The following RABGAP1 variants were observed in gnomAD, a reference collection of about 807,000 sequenced individuals.
RABGAP1 encodes the protein rab GTPase-activating protein 1.
In RABGAP1, 23 loss-of-function variants were observed where a neutral mutation model predicts 137.6. The ratio of observed to expected loss-of-function variants is 0.17; its 90% CI spans 0.12 to 0.24. The LOEUF (loss-of-function observed/expected upper bound fraction) is 0.24, where lower values mean the gene tolerates loss of function less well. Ranked by LOEUF, RABGAP1 falls within the 10% of genes least tolerant of loss-of-function variation. The pLI is 1.00. For missense variants in RABGAP1, 906 were observed against 1,275.8 expected (o/e 0.71, Z 4.42); for synonymous variants, 451 against 450.7 (o/e 1.00, Z -0.01).
chr9:123,010,258 C>G, intron 10 of RABGAP1, 96 bp from the exon 11 acceptor site: 8 of 1,110,260 alleles, frequency 7.2e-6, no homozygotes, highest in Non-Finnish European at 1.0e-5. Flanking sequence ...TGCAGTGAGC[C>G]GAGATCACTG....
intron 13 of RABGAP1, among the ~76,000 whole-genome samples, chr9:123,031,787 A>G (rs1341262097): frequency 6.6e-6 from 1 of 152,204 alleles, no homozygotes; most frequent in African/African-American, 2.4e-5. Flanking sequence ...GCTGTGGTTG[A>G]AATCTCTACA....
chr9:122,998,128 C>T (rs1485852276), intron 9 of RABGAP1, among the ~76,000 whole-genome samples: 1 of 151,904 alleles, frequency 6.6e-6, no homozygotes, highest in East Asian at 1.9e-4. Context: ...GAGACAGAGT[C>T]TTACTCTGTC....
At chr9:123,034,909 G>A (rs34751912) in intron 13 of RABGAP1, 27 of 1,613,016 alleles carry the variant, frequency 1.7e-5, no homozygotes, top group Middle Eastern at 1.7e-4. Flanking sequence ...TCTGAAGAGC[G>A]TCTCCATGGC....
chr9:122,971,387 A>G (rs1835464435), intron 2 of RABGAP1, among the ~76,000 whole-genome samples: 1 of 152,218 alleles, frequency 6.6e-6, no homozygotes, highest in Non-Finnish European at 1.5e-5. Context: ...CTCAGGCTAC[A>G]TGGTATTTCC....
chr9:122,966,671 A>ACTG (rs1368528125), intron 2 of RABGAP1, among the ~76,000 whole-genome samples: 1 of 152,202 alleles, frequency 6.6e-6, no homozygotes, highest in African/African-American at 2.4e-5. Context: ...AGCAGAAAAA[A>ACTG]CTGAGAAGAA....
upstream of RABGAP1, among the ~76,000 whole-genome samples, chr9:122,935,979 C>G (rs117048974): frequency 0.016 from 2,396 of 152,016 alleles, 34 homozygotes; most frequent in South Asian, 0.066. Context: ...TCTTTCGAGC[C>G]TCTGAGGATT....
intron 13 of RABGAP1, among the ~76,000 whole-genome samples, chr9:123,044,139 G>A (rs1044223635): frequency 2.6e-5 from 4 of 151,930 alleles, no homozygotes; most frequent in Non-Finnish European, 5.9e-5. Context: ...TTCTGACCTC[G>A]TGATCCGCCC....
chr9:122,938,337 T>C (rs867009234), upstream of RABGAP1: 1 of 152,202 alleles, frequency 6.6e-6, no homozygotes, highest in Non-Finnish European at 1.5e-5. Context: ...TGAACTTCAG[T>C]TTCCTTATTT....
chr9:122,996,313 A>G (rs1292136930), intron 7 of RABGAP1, 162 bp downstream of exon 7: 4 of 1,292,650 alleles, frequency 3.1e-6, no homozygotes, highest in East Asian at 2.6e-5. Flanking sequence ...TGAAATAGCT[A>G]CTATAAATAA....
At chr9:123,064,627 T>C (rs138752905) in intron 13 of RABGAP1, among the ~76,000 whole-genome samples, 290 of 152,362 alleles carry the variant, frequency 1.9e-3, no homozygotes, top group African/African-American at 6.2e-3. Context: ...GTTCCAGTTC[T>C]TTACTGTGTC....
At chr9:123,011,444 T>C (rs1334465379) in intron 11 of RABGAP1, among the ~76,000 whole-genome samples, 1 of 152,132 alleles carries the variant, frequency 6.6e-6, no homozygotes, top group African/African-American at 2.4e-5. Flanking sequence ...AACGTATCCA[T>C]GTACTTTCTT....
intron 1 of RABGAP1, among the ~76,000 whole-genome samples, chr9:122,956,013 T>A (rs754175912): frequency 6.6e-6 from 1 of 152,124 alleles, no homozygotes; most frequent in Non-Finnish European, 1.5e-5. Flanking sequence ...AAAATGATGG[T>A]GAGTTTAAGT....
chr9:123,043,903 T>TC (rs1343291320), intron 13 of RABGAP1, among the ~76,000 whole-genome samples: 1 of 147,824 alleles, frequency 6.8e-6, no homozygotes, highest in Non-Finnish European at 1.5e-5. Flanking sequence ...TTATTTTCTT[T>TC]TTTTTTTTTT....
rs997289290 is a variant in RABGAP1, at chr9:123,070,005, T to C, written c.1909-345T>C. Among the ~76,000 whole-genome samples the C allele has an allele frequency of 1.3e-5, 2 of 152,172 alleles. No individual in the cohort carries two copies. The highest frequency in any genetic ancestry group is 4.8e-5 in the African/African-American group (2 of 41,446). ...GGGGAATTGAAATAAGTTTGGTGCC[T>C]GAAGGAAGAGTGCATGTTTGAGGCA... On this transcript the variant is annotated intron_variant, in intron 14 of 25. Transcript: ENST00000373647. This position sits in a 1 kb window ranked among gnomAD's most constrained non-coding sequence, Gnocchi z 4.4.
intron 13 of RABGAP1, among the ~76,000 whole-genome samples, chr9:123,053,170 G>A (rs1438764106): frequency 6.6e-6 from 1 of 152,040 alleles, no homozygotes; most frequent in African/African-American, 2.4e-5. Flanking sequence ...ACTTTTCTTG[G>A]CTCTATCAAA....
Position 123,037,969 on chromosome 9 carries a change from G to A in RABGAP1, c.1794+17510G>A, listed in dbSNP as rs2032753385. On this transcript the variant is annotated intron_variant, in intron 13 of 25. Coordinates refer to ENST00000373647, the MANE Select transcript of RABGAP1 (RefSeq NM_012197.4). ...GGGATAGCTCATTTAACTTTATATG[G>A]CATGTGACTGGTATCAGAGGAAACA... Among the ~76,000 whole-genome samples the A allele has an allele frequency of 2.0e-5, 3 of 152,200 alleles. 1 individual carries two copies. The South Asian group carries it at 6.2e-4, about 32-fold the overall frequency.
Position 122,957,106 on chromosome 9 carries a change from C to A in RABGAP1, c.47C>A (p.Ser16Ter). 1 of 1,553,260 alleles carries A rather than the reference C, an allele frequency of 6.4e-7. No homozygotes were observed. Among genetic ancestry groups the A allele is most frequent in the Non-Finnish European group, 8.8e-7 (1 of 1,138,072 alleles). The change falls in exon 2 of 26, where the codon TCA (serine) becomes TAA (stop). Residue 16 changes from serine (S) to a stop codon, truncating the protein, a stop_gained. Coordinates refer to ENST00000373647, the MANE Select transcript of RABGAP1 (RefSeq NM_012197.4). LOFTEE classifies it high-confidence loss of function. Reference protein sequence around the residue: ...SVGKISVSSDSVSTLNSEDFV... With the variant: ...SVGKISVSSD The stretch of plus-strand genomic sequence containing the variant: ...GGAAAAATCAGTGTCTCTTCAGACT[C>A]AGTATCTACTCTTAATAGTGAAGAT...
chr9:123,066,068 A>T (rs1313304617), intron 14 of RABGAP1, among the ~76,000 whole-genome samples: 1 of 152,220 alleles, frequency 6.6e-6, no homozygotes, highest in Non-Finnish European at 1.5e-5. Context: ...ATTAGTCTTC[A>T]GTCTTTTCCT....
chr9:123,072,700 A>G (rs1195142349), intron 15 of RABGAP1, among the ~76,000 whole-genome samples: 1 of 152,210 alleles, frequency 6.6e-6, no homozygotes, highest in Non-Finnish European at 1.5e-5. Flanking sequence ...ACTTACCAGT[A>G]ATGATCTGCT....
Sources: gnomAD v4.1 joint callset for allele counts (sites outside exome capture counted in the v4.1 genomes callset) on GRCh38, gnomAD v4.1.1 for gene constraint, Gnocchi (gnomAD v3.1) non-coding constraint, MANE v1.5 for transcripts, NCBI Gene and HGNC (gene_info 2026-07-23, HGNC 2026-07-21) for gene names.